Variants in SGSM2 observed in about 807,000 individuals in gnomAD.
The protein encoded by SGSM2 is small G protein signaling modulator 2, also known as RUN and TBC1 domain containing 1.
A neutral mutation model predicts 126.6 loss-of-function variants in SGSM2; 89 were observed. The observed-to-expected ratio is 0.70, with a 90% confidence interval of 0.59 to 0.84. The LOEUF (loss-of-function observed/expected upper bound fraction) is 0.84, where lower values mean the gene tolerates loss of function less well. Ranked by LOEUF, SGSM2 falls within the 40% of genes least tolerant of loss-of-function variation. The pLI is 0.00. For synonymous variants in SGSM2, 614 were observed against 574.3 expected, an observed-to-expected ratio of 1.07 and a Z score of -0.99; for missense variants, 1,404 against 1,416.6, an observed-to-expected ratio of 0.99 and a Z score of 0.14.
intron 19 of SGSM2, chr17:2,376,521 G>A: frequency 1.5e-6 from 1 of 675,966 alleles, no homozygotes; most frequent in South Asian, 1.9e-5. Context: ...TACCAAGCGT[G>A]ACGGCCTTGG....
At chr17:2,357,740 C>T (rs1170325690) in intron 2 of SGSM2, among the ~76,000 whole-genome samples, 3 of 152,296 alleles carry the variant, frequency 2.0e-5, no homozygotes, top group East Asian at 3.9e-4. Flanking sequence ...TCAGGTGATC[C>T]GCCCACCTCG....
intron 19 of SGSM2, chr17:2,376,519 G>C (rs545546495): frequency 1.3e-5 from 9 of 673,204 alleles, no homozygotes; most frequent in African/African-American, 7.2e-5. Flanking sequence ...CATACCAAGC[G>C]TGACGGCCTT....
chr17:2,345,744 C>G (rs894395943), intron 2 of SGSM2, among the ~76,000 whole-genome samples: 1 of 152,006 alleles, frequency 6.6e-6, no homozygotes, highest in Non-Finnish European at 1.5e-5. Flanking sequence ...TCACGGAGAA[C>G]AGGAGCAGGA....
intron 7 of SGSM2, 36 bp from the exon 8 acceptor site, chr17:2,364,023 C>G (rs1350907609): frequency 1.9e-6 from 3 of 1,613,816 alleles, no homozygotes; most frequent in Non-Finnish European, 2.5e-6. Flanking sequence ...GCCTCTCAGC[C>G]CTTCATCGTC....
intron 2 of SGSM2, 100 bp from the exon 3 acceptor site, chr17:2,361,537 C>A: frequency 6.9e-7 from 1 of 1,459,474 alleles, no homozygotes; most frequent in Non-Finnish European, 9.3e-7. Context: ...CCTTGGCTTG[C>A]CCTTACCCCT....
intron 22 of SGSM2, among the ~76,000 whole-genome samples, chr17:2,378,252 C>G (rs1439406538): frequency 6.6e-6 from 1 of 152,018 alleles, no homozygotes; most frequent in African/African-American, 2.4e-5. Flanking sequence ...GGCAACATAG[C>G]GAGACCCTGT....
intron 13 of SGSM2, 196 bp from the exon 14 acceptor site, chr17:2,371,994 C>CA (rs1341830710): frequency 6.6e-5 from 40 of 605,560 alleles, no homozygotes; most frequent in Non-Finnish European, 7.1e-5. Flanking sequence ...GGGGGCCAGG[C>CA]GGGGGCCCCA....
intron 2 of SGSM2, among the ~76,000 whole-genome samples, chr17:2,351,671 C>T (rs935315723): frequency 6.6e-6 from 1 of 152,210 alleles, no homozygotes; most frequent in African/African-American, 2.4e-5. Flanking sequence ...CGATCTCTCA[C>T]TTCAGCCTCC....
rs1330333974 is a variant in SGSM2, at chr17:2,369,393, AG to A, written c.1424-1865del. Among the ~76,000 whole-genome samples the A allele has an allele frequency of 9.9e-5, 15 of 152,036 alleles. 1 individual carries two copies. The highest frequency in any genetic ancestry group is 7.2e-4 in the Admixed American group (11 of 15,268). On this transcript the variant is annotated intron_variant, in intron 12 of 23. Coordinates refer to ENST00000268989, the MANE Select transcript of SGSM2 (RefSeq NM_014853.3). Reference sequence around the variant, plus strand: ...CCAGGCACCTTTCACTCGGAGTCTTAGGGGCTGTGGGGTTCGCCCACCCTGT... The same window carrying A: ...CCAGGCACCTTTCACTCGGAGTCTTAGGGCTGTGGGGTTCGCCCACCCTGT...
At chr17:2,353,519 T>C (rs2064961528) in intron 2 of SGSM2, among the ~76,000 whole-genome samples, 1 of 152,132 alleles carries the variant, frequency 6.6e-6, no homozygotes, top group South Asian at 2.1e-4. Context: ...TCCCAGCACC[T>C]TGGAAGGCTG....
intron 3 of SGSM2, 46 bp downstream of exon 3, chr17:2,361,845 A>G: frequency 6.5e-7 from 1 of 1,546,028 alleles, no homozygotes. Flanking sequence ...AGCTCTTCCC[A>G]CTTGGCAATT....
intron 17 of SGSM2, 161 bp downstream of exon 17, chr17:2,373,674 T>A: frequency 1.6e-6 from 1 of 634,848 alleles, no homozygotes; most frequent in Non-Finnish European, 2.7e-6. Flanking sequence ...AATGGCTAAC[T>A]GTGCCTCTGC....
At chr17:2,371,531 G>C in intron 13 of SGSM2, 116 bp downstream of exon 13, 1 of 1,294,664 alleles carries the variant, frequency 7.7e-7, no homozygotes, top group Non-Finnish European at 1.0e-6. Flanking sequence ...GAGTGGGACA[G>C]ATCTGGGTTC....
intron 2 of SGSM2, among the ~76,000 whole-genome samples, chr17:2,346,274 C>G (rs1343785631): frequency 6.6e-6 from 1 of 152,148 alleles, no homozygotes; most frequent in Non-Finnish European, 1.5e-5. Context: ...TTTCAAGGGA[C>G]CCTTGTGTAC....
At chr17:2,360,437 C>T (rs189018957) in intron 2 of SGSM2, among the ~76,000 whole-genome samples, 1 of 152,240 alleles carries the variant, frequency 6.6e-6, no homozygotes, top group East Asian at 1.9e-4. Context: ...CCAGTGCACC[C>T]TCTTCCTGTC....
At chr17:2,366,926 G>A (rs2065614449) in intron 11 of SGSM2, 1 of 253,618 alleles carries the variant, frequency 3.9e-6, no homozygotes, top group African/African-American at 2.2e-5. Context: ...TCTGCCAGCT[G>A]TCATGCGCAG....
intron 16 of SGSM2, 46 bp from the exon 17 acceptor site, chr17:2,373,285 G>T (rs777298318): frequency 6.9e-6 from 11 of 1,586,356 alleles, no homozygotes; most frequent in Non-Finnish European, 9.4e-6. Flanking sequence ...GAAGGGGAGG[G>T]CCTGGTGCAC....
At chr17:2,365,485 T>C (rs748212412) in intron 11 of SGSM2, 144 bp downstream of exon 11, 80 of 1,007,794 alleles carry the variant, frequency 7.9e-5, no homozygotes, top group Non-Finnish European at 1.1e-4. Context: ...GCCTCTCAGC[T>C]GGACCTTTTA....
At position 2,365,226 on chromosome 17, in the gene SGSM2, C is replaced by T; in HGVS notation, c.1173C>T (p.Phe391=). Residue 391 remains phenylalanine, a synonymous_variant, in exon 11 of 24, where the codon TTC becomes TTT. Transcript: ENST00000268989. ...CCCTCCTTCCACAGGGGAAAGTGTT[C>T]CCCAAGCTACGGAAACGAAGCAGCA... The part of the protein sequence containing the change: ...LWTQQGKGKV[F]PKLRKRSSIR... The T allele has an allele frequency of 1.2e-6, 2 of 1,611,878 alleles. No individual in the cohort carries two copies. Among genetic ancestry groups the T allele is most frequent in the South Asian group, 1.1e-5 (1 of 90,720 alleles).
Sources: gnomAD v4.1 joint callset for allele counts (sites outside exome capture counted in the v4.1 genomes callset) on GRCh38, gnomAD v4.1.1 for gene constraint, MANE v1.5 for transcripts, NCBI Gene and HGNC (gene_info 2026-07-23, HGNC 2026-07-21) for gene names.